The following TAF2 variants were observed in gnomAD, a reference collection of about 807,000 sequenced individuals.
TAF2 encodes the protein TATA-box binding protein associated factor 2.
A neutral mutation model predicts 138.5 loss-of-function variants in TAF2; 61 were observed. The observed-to-expected ratio is 0.44, with a 90% CI of 0.36 to 0.54. The LOEUF (loss-of-function observed/expected upper bound fraction) is 0.54, where lower values mean the gene tolerates loss of function less well. TAF2 is among the 20% of genes least tolerant of loss of function. The pLI, the probability that TAF2 is intolerant of heterozygous loss-of-function variation, is 0.00. For synonymous variants in TAF2, 475 were observed against 469.9 expected, an observed-to-expected ratio of 1.01 and a Z score of -0.14; for missense variants, 1,090 against 1,427.9, an observed-to-expected ratio of 0.76 and a Z score of 3.81.
At chr8:119,811,219 C>T (rs1266496855) in intron 3 of TAF2, among the ~76,000 whole-genome samples, 1 of 152,002 alleles carries the variant, frequency 6.6e-6, no homozygotes, top group African/African-American at 2.4e-5. Flanking sequence ...ATATAATTTT[C>T]TCTAAGAATT....
At chr8:119,829,631 C>T (rs1264505108) in intron 2 of TAF2, among the ~76,000 whole-genome samples, 1 of 151,840 alleles carries the variant, frequency 6.6e-6, no homozygotes, top group Admixed American at 6.6e-5. Flanking sequence ...ATACAACATC[C>T]AATCAAAGTT....
chr8:119,749,237 A>G (rs1042523229), intron 22 of TAF2, among the ~76,000 whole-genome samples: 5 of 152,312 alleles, frequency 3.3e-5, no homozygotes, highest in African/African-American at 1.2e-4. Flanking sequence ...AAGCCCTCGA[A>G]TATGATTTTG....
At chr8:119,772,492 T>G (rs1821912864) in intron 18 of TAF2, among the ~76,000 whole-genome samples, 1 of 152,116 alleles carries the variant, frequency 6.6e-6, no homozygotes, top group Admixed American at 6.5e-5. Context: ...AAATTACCTA[T>G]TGGGTACAAC....
At chr8:119,779,774 C>T (rs1822512890) in intron 17 of TAF2, among the ~76,000 whole-genome samples, 1 of 152,158 alleles carries the variant, frequency 6.6e-6, no homozygotes, top group Non-Finnish European at 1.5e-5. Flanking sequence ...TCTATCTTTT[C>T]ACTTGTTTTT....
chr8:119,763,577 A>T (rs917557862), intron 18 of TAF2, among the ~76,000 whole-genome samples: 1 of 152,064 alleles, frequency 6.6e-6, no homozygotes, highest in African/African-American at 2.4e-5. Flanking sequence ...TAAAAATACA[A>T]AAATTAGCCA....
intron 3 of TAF2, among the ~76,000 whole-genome samples, chr8:119,815,640 A>G (rs1825409901): frequency 6.6e-6 from 1 of 152,138 alleles, no homozygotes; most frequent in East Asian, 1.9e-4. Flanking sequence ...CAAAACAAAG[A>G]GGAAAAAAAG....
At chr8:119,772,971 T>C (rs1334574070) in intron 18 of TAF2, among the ~76,000 whole-genome samples, 1 of 149,044 alleles carries the variant, frequency 6.7e-6, no homozygotes, top group Non-Finnish European at 1.5e-5. Context: ...ACAATAATAA[T>C]ATTACTTAAA....
chr8:119,824,487 T>C (rs1298050492), intron 2 of TAF2, among the ~76,000 whole-genome samples: 2 of 151,610 alleles, frequency 1.3e-5, no homozygotes, highest in Non-Finnish European at 2.9e-5. Context: ...CCAAGCTGGC[T>C]ACAGAAATTT....
rs546117811 is a variant in TAF2, at chr8:119,757,038, G to C, written c.2769-923C>G. Among the ~76,000 whole-genome samples, 23 of 152,312 alleles carry C rather than the reference G, an allele frequency of 1.5e-4. No individual in the cohort carries two copies. The East Asian group carries it at 4.2e-3, about 28-fold the overall frequency. ...GGAGGTCAGCAAAACTTTAAAGAAG[G>C]TGAACTGGGGAAATTTTTACATTTA... On this transcript the variant is annotated intron_variant, in intron 21 of 25. Transcript: ENST00000378164.
chr8:119,732,432 T>C (rs1279125124), intron 25 of TAF2, among the ~76,000 whole-genome samples: 1 of 152,180 alleles, frequency 6.6e-6, no homozygotes, highest in African/African-American at 2.4e-5. Flanking sequence ...TACCAGTGTG[T>C]TACCAAATCA....
chr8:119,795,769 G>A (rs1373054380), intron 8 of TAF2, 138 bp from the exon 9 acceptor site: 4 of 832,100 alleles, frequency 4.8e-6, no homozygotes, highest in Admixed American at 4.2e-5. Context: ...AAATTATCAG[G>A]TTTCCCAACT....
In TAF2 at chr8:119,789,072, A is replaced by T. The variant is rs188942596; in HGVS notation, c.1569-168T>A. On this transcript the variant is annotated intron_variant, in intron 12 of 25. Coordinates refer to ENST00000378164, the MANE Select transcript of TAF2 (RefSeq NM_003184.4). Reference sequence around the variant, plus strand: ...CAAAGTATTCAAAGTACTTGTGAAAAATGCTTTCCCAGATTTAAATAAAAT... The same window carrying T: ...CAAAGTATTCAAAGTACTTGTGAAATATGCTTTCCCAGATTTAAATAAAAT... 9.4e-4 allele frequency among the ~76,000 whole-genome samples: 143 copies of T among 152,344 alleles called. 1 individual carries two copies. The highest frequency in any genetic ancestry group is 3.4e-3 in the African/African-American group (140 of 41,582).
At chr8:119,800,357 C>T (rs1473219704) in intron 6 of TAF2, among the ~76,000 whole-genome samples, 1 of 152,204 alleles carries the variant, frequency 6.6e-6, no homozygotes, top group Admixed American at 6.5e-5. Context: ...CAGCTTTCTA[C>T]ATATGGCTAG....
Position 119,797,087 on chromosome 8 carries a change from T to C in TAF2, c.994A>G (p.Ser332Gly), listed in dbSNP as rs1823879891. The change falls in exon 8 of 26, where the codon AGT (serine) becomes GGT (glycine). Residue 332 changes from serine (S) to glycine (G), a missense_variant. Ser to Gly is a moderately conservative substitution (Grantham distance 56). Coordinates refer to ENST00000378164, the MANE Select transcript of TAF2 (RefSeq NM_003184.4). ...MSIFSTNLLHSAMIIDETPLT... is the reference protein window; with the variant it reads ...MSIFSTNLLHGAMIIDETPLT... ...GGTGTCTCATCTATAATCATGGCAC[T>C]GTGTAAAAGATTTGTGCTGGAATTT... is the stretch of plus-strand genomic sequence containing the variant. 6.2e-7 allele frequency: 1 copy of C among 1,612,478 alleles called. No homozygotes were observed. The highest frequency in any genetic ancestry group is 8.5e-7 in the Non-Finnish European group (1 of 1,178,792).
intron 6 of TAF2, among the ~76,000 whole-genome samples, chr8:119,799,702 T>C (rs1379255315): frequency 6.6e-6 from 1 of 152,318 alleles, no homozygotes; most frequent in Admixed American, 6.5e-5. Context: ...GTATTTCTAG[T>C]TCTAGATCCT....
rs151045429 is a variant in TAF2 at position 119,776,483 on chromosome 8, C to T, written c.2364+1536G>A. Among the ~76,000 whole-genome samples the T allele has an allele frequency of 3.4e-3, 520 of 150,832 alleles. 4 individuals carry two copies. Among genetic ancestry groups the T allele is most frequent in the African/African-American group, 0.012 (491 of 40,996 alleles). The stretch of plus-strand genomic sequence containing the variant: ...GGATCACAAGGTCAGGAGATCGAAA[C>T]CATCCTGGCTACCACAGTGAAACCC... On this transcript the variant is annotated intron_variant, in intron 18 of 25. Coordinates refer to ENST00000378164, the MANE Select transcript of TAF2 (RefSeq NM_003184.4).
chr8:119,760,731 T>C lies in TAF2; in HGVS notation c.2566A>G (p.Arg856Gly), dbSNP rs1280214680. The C allele has an allele frequency of 1.2e-6, 2 of 1,613,896 alleles. No individual in the cohort carries two copies. The highest frequency in any genetic ancestry group is 1.1e-5 in the South Asian group (1 of 91,080). ...YRHTITVSCL[R>G]AIRVLQKNGH... Reference sequence around the variant, plus strand: ...TTCTTCTGAAGTACCCGTATGGCTCTCAAACAACTAGGGAAAAAAATACGT... The same window carrying C: ...TTCTTCTGAAGTACCCGTATGGCTCCCAAACAACTAGGGAAAAAAATACGT... Residue 856 changes from arginine (R) to glycine (G), a missense_variant, in exon 20 of 26, where the codon AGA becomes GGA. Around this residue, in one of 3 missense-constraint regions of TAF2, gnomAD observed 580 missense variants for 719.6 expected, o/e 0.81. Coordinates refer to ENST00000378164, the MANE Select transcript of TAF2 (RefSeq NM_003184.4).
intron 17 of TAF2, 66 bp downstream of exon 17, chr8:119,780,987 T>G: frequency 6.7e-7 from 1 of 1,488,612 alleles, no homozygotes; most frequent in South Asian, 1.2e-5. Context: ...CATCTATTAT[T>G]TGAACAGTCT....
intron 2 of TAF2, among the ~76,000 whole-genome samples, chr8:119,822,377 C>T (rs1265327250): frequency 6.6e-6 from 1 of 151,942 alleles, no homozygotes; most frequent in African/African-American, 2.4e-5. Context: ...AATGCATTAC[C>T]ACACCTGGTT....
Sources: allele counts gnomAD v4.1 joint callset (sites outside exome capture counted in the v4.1 genomes callset), GRCh38; gene constraint gnomAD v4.1.1; regional missense constraint gnomAD v4.1.1; transcripts MANE v1.5; gene names NCBI Gene and HGNC (gene_info 2026-07-23, HGNC 2026-07-21).